Variants in CTNNA3 observed in about 807,000 individuals in gnomAD.
The protein encoded by CTNNA3 is catenin alpha 3.
In CTNNA3, 76 loss-of-function variants were observed where a neutral mutation model predicts 95.7. The observed-to-expected ratio is 0.79, with a 90% CI of 0.66 to 0.96. The LOEUF (loss-of-function observed/expected upper bound fraction) is 0.96. CTNNA3 is among the 40% of genes least tolerant of loss of function. CTNNA3 has a pLI of 0.00. For synonymous variants in CTNNA3, 431 were observed against 374.4 expected, an observed-to-expected ratio of 1.15 and a Z score of -1.74; for missense variants, 1,191 against 1,089.8, an observed-to-expected ratio of 1.09 and a Z score of -1.31.
chr10:67,398,850 C>A (rs1844812389), intron 5 of CTNNA3, among the ~76,000 whole-genome samples: 1 of 152,114 alleles, frequency 6.6e-6, no homozygotes, highest in African/African-American at 2.4e-5. Flanking sequence ...ACTCCTCCTT[C>A]CTGTCTCCAC....
At chr10:66,878,563 T>C (rs1220605938) in intron 7 of CTNNA3, among the ~76,000 whole-genome samples, 1 of 152,128 alleles carries the variant, frequency 6.6e-6, no homozygotes, top group Admixed American at 6.6e-5. Flanking sequence ...ACCATTTATT[T>C]TGATGTTCTA....
intron 7 of CTNNA3, among the ~76,000 whole-genome samples, chr10:67,161,717 T>G (rs1861559190): frequency 6.6e-6 from 1 of 152,032 alleles, no homozygotes; most frequent in African/African-American, 2.4e-5. Flanking sequence ...ATGGTCTAAA[T>G]ACACCAATTA....
chr10:67,668,023 G>A (rs1840361921), intron 1 of CTNNA3, among the ~76,000 whole-genome samples: 1 of 152,012 alleles, frequency 6.6e-6, no homozygotes, highest in South Asian at 2.1e-4. Context: ...TATTGTTGTT[G>A]TTTCTAGTTA....
chr10:66,077,961 C>T (rs971483100), intron 14 of CTNNA3, among the ~76,000 whole-genome samples: 2 of 151,756 alleles, frequency 1.3e-5, no homozygotes, highest in African/African-American at 4.8e-5. Context: ...GGCATCAACA[C>T]TAAAGAGTTT....
intron 7 of CTNNA3, among the ~76,000 whole-genome samples, chr10:66,835,935 T>C (rs1232050513): frequency 1.3e-5 from 2 of 151,870 alleles, no homozygotes; most frequent in Non-Finnish European, 2.9e-5. Context: ...AGCTCCTAGG[T>C]GATGCTGATA....
chr10:66,271,366 C>A (rs2091277344), intron 13 of CTNNA3, among the ~76,000 whole-genome samples: 1 of 152,130 alleles, frequency 6.6e-6, no homozygotes, highest in South Asian at 2.1e-4. Context: ...TGTAGATATG[C>A]AGAGAAACTT....
chr10:67,309,235 A>T (rs1202181726), intron 5 of CTNNA3, among the ~76,000 whole-genome samples: 2 of 152,164 alleles, frequency 1.3e-5, no homozygotes, highest in Admixed American at 6.5e-5. Context: ...AATATGCACA[A>T]ACTTTTTCTT....
intron 5 of CTNNA3, among the ~76,000 whole-genome samples, chr10:67,521,311 A>C (rs1839977913): frequency 6.6e-6 from 1 of 152,252 alleles, no homozygotes; most frequent in East Asian, 1.9e-4. Context: ...AAAGGAGGCA[A>C]TTAAAAACCT....
At chr10:67,385,371 C>G (rs1844113835) in intron 5 of CTNNA3, among the ~76,000 whole-genome samples, 1 of 152,114 alleles carries the variant, frequency 6.6e-6, no homozygotes, top group Admixed American at 6.5e-5. Flanking sequence ...AGTTTTCTTT[C>G]AGAAACTAGA....
chr10:66,520,466 G>A, intron 11 of CTNNA3, 151 bp downstream of exon 11: 1 of 561,912 alleles, frequency 1.8e-6, no homozygotes, highest in Non-Finnish European at 3.0e-6. Flanking sequence ...TGGCCAGGCT[G>A]GTATCGAATC....
chr10:66,371,077 AC>A (rs2132462687), intron 12 of CTNNA3, among the ~76,000 whole-genome samples: 1 of 152,256 alleles, frequency 6.6e-6, no homozygotes, highest in Non-Finnish European at 1.5e-5. Flanking sequence ...AATGTCTCAT[AC>A]TTAGTAATCT....
At chr10:67,211,585 T>C (rs1051393954) in intron 6 of CTNNA3, among the ~76,000 whole-genome samples, 2 of 152,218 alleles carry the variant, frequency 1.3e-5, no homozygotes, top group Admixed American at 6.5e-5. Flanking sequence ...GCAATTACTA[T>C]GTACCTGGCA....
chr10:66,754,188 G>T (rs1839277984), intron 9 of CTNNA3, among the ~76,000 whole-genome samples: 1 of 152,170 alleles, frequency 6.6e-6, no homozygotes, highest in Non-Finnish European at 1.5e-5. Flanking sequence ...TTGACATATA[G>T]ATCAGTGGAA....
intron 2 of CTNNA3, among the ~76,000 whole-genome samples, chr10:67,645,802 T>C (rs936296602): frequency 6.6e-6 from 1 of 151,774 alleles, no homozygotes; most frequent in African/African-American, 2.4e-5. Context: ...CCATATCATA[T>C]ATAAGTAAAT....
chr10:66,571,284 A>G (rs1188624886), intron 10 of CTNNA3, among the ~76,000 whole-genome samples: 1 of 152,212 alleles, frequency 6.6e-6, no homozygotes, highest in East Asian at 1.9e-4. Context: ...CTAGACCAGA[A>G]GAAGTGAAAG....
chr10:67,125,589 T>C (rs1859684604), intron 7 of CTNNA3, among the ~76,000 whole-genome samples: 1 of 152,138 alleles, frequency 6.6e-6, no homozygotes, highest in Non-Finnish European at 1.5e-5. Context: ...TCTCCACTTA[T>C]AAAAAATTAG....
chr10:67,349,435 GA>G lies in CTNNA3; in HGVS notation c.580-129566del, dbSNP rs1396913883. ...GATGACTGAGGAAATTGTGCTAAGTGAAAAAAGCCAGTCATCAAAGGACAAA... is the reference window on the plus strand; with the variant it reads ...GATGACTGAGGAAATTGTGCTAAGTGAAAAAGCCAGTCATCAAAGGACAAA... On this transcript the variant is annotated intron_variant, in intron 5 of 17. Transcript: ENST00000433211. Among the ~76,000 whole-genome samples, 15 of 152,120 alleles carry G rather than the reference GA, an allele frequency of 9.9e-5. 1 individual carries two copies. Among genetic ancestry groups the G allele is most frequent in the African/African-American group, 3.6e-4 (15 of 41,432 alleles).
intron 7 of CTNNA3, among the ~76,000 whole-genome samples, chr10:66,870,526 G>A (rs2132438221): frequency 6.6e-6 from 1 of 152,178 alleles, no homozygotes; most frequent in African/African-American, 2.4e-5. Flanking sequence ...TAACTATTCA[G>A]TCAAATTCAG....
chr10:66,967,923 G>A (rs770736744), intron 7 of CTNNA3, among the ~76,000 whole-genome samples: 2 of 152,106 alleles, frequency 1.3e-5, no homozygotes, highest in African/African-American at 2.4e-5. Context: ...CTATGATTCA[G>A]TGTGTTTCAA....
Sources: allele counts gnomAD v4.1 joint callset (sites outside exome capture counted in the v4.1 genomes callset), GRCh38; gene constraint gnomAD v4.1.1; transcripts MANE v1.5; gene names NCBI Gene and HGNC (gene_info 2026-07-23, HGNC 2026-07-21).